STON2: variants seen among roughly 807,000 people sequenced by gnomAD.
The protein encoded by STON2 is stonin 2, also known as stonin-2.
STON2 carries 29 observed loss-of-function variants against 65.7 expected under a neutral mutation model. The observed-to-expected ratio is 0.44, with a 90% CI of 0.33 to 0.60. The LOEUF (loss-of-function observed/expected upper bound fraction) is 0.60. Ranked by LOEUF, STON2 falls within the 20% of genes least tolerant of loss-of-function variation. The probability of loss-of-function intolerance (pLI) is 0.03; values close to 1 mark genes in which losing one functional copy is unlikely to be tolerated. For missense variants in STON2, 1,054 were observed against 1,118.1 expected (o/e 0.94, Z 0.82); for synonymous variants, 404 against 414.2 (o/e 0.98, Z 0.30).
intron 5 of STON2, among the ~76,000 whole-genome samples, chr14:81,307,622 G>A (rs1043429304): frequency 2.6e-5 from 4 of 152,092 alleles, no homozygotes; most frequent in Non-Finnish European, 4.4e-5. Context: ...AACTGCACTG[G>A]TCTGCTTATA....
intron 3 of STON2, among the ~76,000 whole-genome samples, chr14:81,378,726 T>C (rs1899372417): frequency 1.3e-5 from 2 of 152,252 alleles, no homozygotes; most frequent in African/African-American, 2.4e-5. Context: ...ACTCAAGAAC[T>C]ATTTTTAGCC....
intron 4 of STON2, among the ~76,000 whole-genome samples, chr14:81,355,850 T>C (rs571256387): frequency 1.1e-4 from 17 of 152,270 alleles, no homozygotes; most frequent in African/African-American, 3.8e-4. Context: ...TTTTTGTACA[T>C]TGATTTTGTA....
chr14:81,282,116 G>A (rs78336855), intron 5 of STON2, among the ~76,000 whole-genome samples: 1,624 of 152,230 alleles, frequency 0.011, 21 homozygotes, highest in African/African-American at 0.036. Flanking sequence ...AGCATGCAAC[G>A]ATGTACACAG....
chr14:81,298,962 G>T (rs1178309518), intron 5 of STON2, among the ~76,000 whole-genome samples: 2 of 152,106 alleles, frequency 1.3e-5, no homozygotes, highest in African/African-American at 4.8e-5. Context: ...ACAGACAAGA[G>T]AACGACATAA....
chr14:81,295,963 A>G (rs1895745443), intron 5 of STON2, among the ~76,000 whole-genome samples: 2 of 152,236 alleles, frequency 1.3e-5, no homozygotes, highest in South Asian at 4.1e-4. Flanking sequence ...GTCTTACTCT[A>G]TGTACACATT....
intron 5 of STON2, among the ~76,000 whole-genome samples, chr14:81,298,613 G>A (rs1226364634): frequency 1.3e-5 from 2 of 152,180 alleles, no homozygotes; most frequent in African/African-American, 4.8e-5. Context: ...TCCCAAGGAA[G>A]AGAAACTACA....
At chr14:81,395,059 A>G (rs1235833828) in intron 3 of STON2, 1 of 152,190 alleles carries the variant, frequency 6.6e-6, no homozygotes, top group African/African-American at 2.4e-5. Flanking sequence ...AGCTTTACTA[A>G]GCTCCCCAGT....
intron 4 of STON2, chr14:81,333,229 T>C: frequency 1.2e-6 from 1 of 865,946 alleles, no homozygotes; most frequent in East Asian, 2.5e-5. Flanking sequence ...TTTTGCTAGT[T>C]TTTCCCGAAT....
intron 4 of STON2, among the ~76,000 whole-genome samples, chr14:81,327,610 T>C (rs1051345016): frequency 1.3e-4 from 20 of 152,162 alleles, no homozygotes; most frequent in African/African-American, 2.4e-4. Flanking sequence ...TTCCTAGGGA[T>C]TGAAAAATGA....
chr14:81,361,644 A>G (rs1235899054), intron 4 of STON2, among the ~76,000 whole-genome samples: 2 of 152,152 alleles, frequency 1.3e-5, no homozygotes, highest in African/African-American at 4.8e-5. Flanking sequence ...AAAAAGACAA[A>G]TGGGATTAAA....
At position 81,277,470 on chromosome 14, in the gene STON2, C is replaced by T; in HGVS notation, c.2012G>A (p.Gly671Asp). Residue 671 changes from glycine (G) to aspartate (D), a missense_variant, in exon 6 of 8, where the codon GGC becomes GAC. Transcript: ENST00000614646. ...FLSGLAECRLGLNDILVKGNE... is the reference protein window; with the variant it reads ...FLSGLAECRLDLNDILVKGNE... Reference sequence around the variant, plus strand: ...CCCTTTGACGAGGATGTCATTGAGGCCCAGGCGGCACTCTGCGAGCCCAGA... The same window carrying T: ...CCCTTTGACGAGGATGTCATTGAGGTCCAGGCGGCACTCTGCGAGCCCAGA... 1 of 1,614,142 alleles carries T rather than the reference C, an allele frequency of 6.2e-7. No homozygotes were observed. The highest frequency in any genetic ancestry group is 8.5e-7 in the Non-Finnish European group (1 of 1,180,018).
At chr14:81,428,964 G>T (rs1460072421) in intron 1 of STON2, among the ~76,000 whole-genome samples, 1 of 152,222 alleles carries the variant, frequency 6.6e-6, no homozygotes, top group Admixed American at 6.5e-5. Flanking sequence ...CATTTGGCAT[G>T]AAATATGCTT....
intron 2 of STON2, among the ~76,000 whole-genome samples, chr14:81,418,948 A>G (rs923038594): frequency 1.3e-5 from 2 of 152,158 alleles, no homozygotes; most frequent in Non-Finnish European, 2.9e-5. Flanking sequence ...CCTTTTTAGC[A>G]AGATTAAAAC....
intron 3 of STON2, among the ~76,000 whole-genome samples, chr14:81,389,785 T>C (rs902618836): frequency 1.3e-5 from 2 of 152,244 alleles, no homozygotes; most frequent in East Asian, 3.8e-4. Context: ...CTTTAAATTC[T>C]GATTTTCATC....
At chr14:81,306,108 T>C (rs960322758) in intron 5 of STON2, among the ~76,000 whole-genome samples, 1 of 151,552 alleles carries the variant, frequency 6.6e-6, no homozygotes, top group Non-Finnish European at 1.5e-5. Flanking sequence ...CTCTCCTTTT[T>C]AATTTTTTTT....
At position 81,277,796 on chromosome 14, in the gene STON2, G is replaced by A. The variant is rs1265986378; in HGVS notation, c.1686C>T (p.Thr562=). 3.7e-6 allele frequency: 6 copies of A among 1,614,046 alleles called. No homozygotes were observed. The African/African-American group carries it at 6.7e-5, about 18-fold the overall frequency. The change falls in exon 6 of 8, where the codon ACC becomes ACT. Residue 562 remains threonine, a synonymous_variant. Transcript: ENST00000614646. The part of the protein sequence containing the change: ...RIHSLRIDRV[T]YKEKKKYQPK... ...GCTGGTATTTCTTCTTCTCTTTATA[G>A]GTGACACGGTCTATCCGCAAGCTGT...
chr14:81,392,248 T>C (rs1900112939), intron 3 of STON2, among the ~76,000 whole-genome samples: 1 of 152,098 alleles, frequency 6.6e-6, no homozygotes, highest in East Asian at 1.9e-4. Flanking sequence ...AACTGGCCTG[T>C]GCACTGGGGT....
intron 5 of STON2, among the ~76,000 whole-genome samples, chr14:81,303,062 GT>G (rs1566897958): frequency 7.5e-5 from 10 of 133,956 alleles, no homozygotes; most frequent in African/African-American, 3.2e-4. Context: ...TGTGGGGGGT[GT>G]GTGTGTGTGT....
At chr14:81,382,074 C>A (rs1313814899) in intron 3 of STON2, among the ~76,000 whole-genome samples, 1 of 152,002 alleles carries the variant, frequency 6.6e-6, no homozygotes, top group East Asian at 1.9e-4. Context: ...AAAAAATTAG[C>A]CAGGTGTGGT....
Sources: gnomAD v4.1 joint callset for allele counts (sites outside exome capture counted in the v4.1 genomes callset) on GRCh38, gnomAD v4.1.1 for gene constraint, MANE v1.5 for transcripts, NCBI Gene and HGNC (gene_info 2026-07-23, HGNC 2026-07-21) for gene names.